The following ZNF366 variants were observed in gnomAD, a reference collection of about 807,000 sequenced individuals.
The protein encoded by ZNF366 is dendritic cell-specific transcript protein.
In ZNF366, 20 loss-of-function variants were observed where a neutral mutation model predicts 47.2. The ratio of observed to expected loss-of-function variants is 0.42; its 90% CI spans 0.30 to 0.62. The LOEUF is 0.62. Ranked by LOEUF, ZNF366 falls within the 20% of genes least tolerant of loss-of-function variation. The probability of loss-of-function intolerance (pLI) is 0.16; values close to 1 mark genes in which losing one functional copy is unlikely to be tolerated. For synonymous variants in ZNF366, 421 were observed against 395.1 expected (o/e 1.07, Z -0.78); for missense variants, 987 against 976.3 (o/e 1.01, Z -0.15).
chr5:72,479,952 A>G (rs1409320427), intron 1 of ZNF366, among the ~76,000 whole-genome samples: 6 of 152,232 alleles, frequency 3.9e-5, no homozygotes, highest in Admixed American at 6.5e-5. Context: ...ACAAAGGGTG[A>G]AAAAACAGAT....
In ZNF366 at chr5:72,460,217, C is replaced by T; in HGVS notation, c.1280G>A (p.Gly427Asp). The change falls in exon 2 of 5, where the codon GGC becomes GAC. Residue 427 changes from glycine to aspartate, a missense_variant. This residue lies in a region of ZNF366 where 111 missense variants were observed against 180.5 expected (regional missense o/e 0.61). Transcript: ENST00000318442. Reference sequence around the variant, plus strand: ...GTGGTGCGGCTGCACAAACTCCATGCCACACTCTGAGCAGATGTAGGGCCG... The same window carrying T: ...GTGGTGCGGCTGCACAAACTCCATGTCACACTCTGAGCAGATGTAGGGCCG... ...DIRPYICSEC[G>D]MEFVQPHHLK... is the part of the protein sequence containing the mutation. The T allele has an allele frequency of 6.2e-7, 1 of 1,614,246 alleles. No homozygotes were observed. Among genetic ancestry groups the T allele is most frequent in the Non-Finnish European group, 8.5e-7 (1 of 1,180,040 alleles).
In ZNF366 at chr5:72,461,402, A is replaced by G; in HGVS notation, c.95T>C (p.Val32Ala). Residue 32 changes from valine to alanine, a missense_variant, in exon 2 of 5, where the codon GTG (valine) becomes GCG (alanine). By Grantham distance (64) the Val-to-Ala change is moderately conservative. Coordinates refer to ENST00000318442, the MANE Select transcript of ZNF366 (RefSeq NM_152625.3). The part of the protein sequence containing the change: ...TPSFPHCLQP[V>A]ASRGKAPQRH... ...TTGGGGAGCCTTTCCCCGAGAAGCCACTGGCTGCAGGCAGTGGGGAAAGGA... is the reference window on the plus strand; with the variant it reads ...TTGGGGAGCCTTTCCCCGAGAAGCCGCTGGCTGCAGGCAGTGGGGAAAGGA... The G allele has an allele frequency of 3.1e-6, 5 of 1,613,672 alleles. No individual in the cohort carries two copies. The highest frequency in any genetic ancestry group is 4.2e-6 in the Non-Finnish European group (5 of 1,179,672).
chr5:72,460,087 C>T (rs1054354490), intron 2 of ZNF366, 78 bp downstream of exon 2: 3 of 1,530,790 alleles, frequency 2.0e-6, no homozygotes, highest in East Asian at 2.3e-5. Context: ...GCACAGGCGT[C>T]CTGCTCCCCA....
chr5:72,498,991 A>G (rs1422791618), intron 1 of ZNF366, among the ~76,000 whole-genome samples: 1 of 152,236 alleles, frequency 6.6e-6, no homozygotes, highest in African/African-American at 2.4e-5. Flanking sequence ...TCAAGGGGGA[A>G]AAGAGTCAAT....
At chr5:72,455,484 T>C (rs1053577539) in intron 3 of ZNF366, among the ~76,000 whole-genome samples, 1 of 152,222 alleles carries the variant, frequency 6.6e-6, no homozygotes, top group African/African-American at 2.4e-5. Context: ...TTCCCTCTTC[T>C]TCCCCCTCAG....
intron 1 of ZNF366, among the ~76,000 whole-genome samples, chr5:72,480,389 C>G (rs763234076): frequency 6.6e-6 from 1 of 151,996 alleles, no homozygotes; most frequent in Non-Finnish European, 1.5e-5. Flanking sequence ...ATTTTCTGTT[C>G]CTTGGAACTT....
At chr5:72,480,880 A>G (rs1431180582) in intron 1 of ZNF366, among the ~76,000 whole-genome samples, 8 of 152,176 alleles carry the variant, frequency 5.3e-5, no homozygotes, top group Non-Finnish European at 1.2e-4. Context: ...ATTCCACGTG[A>G]GTGAAGACTG....
At chr5:72,452,634 C>A (rs1297218754) in intron 3 of ZNF366, among the ~76,000 whole-genome samples, 2 of 152,252 alleles carry the variant, frequency 1.3e-5, no homozygotes, top group Non-Finnish European at 2.9e-5. Flanking sequence ...GAGATCTCAT[C>A]CCTATTCTGA....
At chr5:72,505,383 A>G (rs1047192932) in intron 1 of ZNF366, among the ~76,000 whole-genome samples, 6 of 152,214 alleles carry the variant, frequency 3.9e-5, no homozygotes, top group African/African-American at 1.4e-4. Context: ...AACAACTTAA[A>G]TGGAAATATT....
intron 1 of ZNF366, among the ~76,000 whole-genome samples, chr5:72,485,108 G>A (rs181897010): frequency 7.0e-6 from 1 of 142,740 alleles, no homozygotes; most frequent in Non-Finnish European, 1.6e-5. Context: ...CAAAAATTTA[G>A]TAAAAAAACA....
chr5:72,491,276 C>A (rs1187825844), intron 1 of ZNF366, among the ~76,000 whole-genome samples: 1 of 152,184 alleles, frequency 6.6e-6, no homozygotes, highest in Non-Finnish European at 1.5e-5. Flanking sequence ...ACTTTGGGAA[C>A]CTGGCACACA....
chr5:72,477,643 C>A (rs986004740), intron 1 of ZNF366, among the ~76,000 whole-genome samples: 5 of 152,186 alleles, frequency 3.3e-5, no homozygotes, highest in Admixed American at 1.3e-4. Flanking sequence ...ATGGTTTAAT[C>A]AGTACAATTA....
In ZNF366 at chr5:72,485,540, A is replaced by G. The variant is rs554911735; in HGVS notation, c.-15+21711T>C. On this transcript the variant is annotated intron_variant, in intron 1 of 4. Transcript: ENST00000318442. ...ACTTCTCACCACTTCCACTGCCTCT[A>G]TCCTGGTCAGGCCGCCAGAGGTTCC... 2.0e-5 allele frequency among the ~76,000 whole-genome samples: 3 copies of G among 152,282 alleles called. No individual in the cohort carries two copies. The South Asian group carries it at 6.2e-4, about 32-fold the overall frequency.
intron 3 of ZNF366, among the ~76,000 whole-genome samples, chr5:72,454,360 CCCTCTAGATCCTCAGATACTA>C (rs1743138269): frequency 6.6e-6 from 1 of 152,210 alleles, no homozygotes; most frequent in Non-Finnish European, 1.5e-5. Flanking sequence ...CTAGAGAGAA[CCCTCTAGATCCTCAGATACTA>C]CCTGGTCCAA....
chr5:72,449,111 A>C (rs990808116), intron 3 of ZNF366, among the ~76,000 whole-genome samples: 4 of 152,214 alleles, frequency 2.6e-5, no homozygotes, highest in African/African-American at 9.7e-5. Context: ...TGTAAGATAG[A>C]TGACTCTTTT....
At chr5:72,474,257 A>G (rs988460785) in intron 1 of ZNF366, among the ~76,000 whole-genome samples, 2 of 152,186 alleles carry the variant, frequency 1.3e-5, no homozygotes, top group Non-Finnish European at 2.9e-5. Context: ...ACAAAGGCCA[A>G]TTAAAAGGCT....
chr5:72,491,419 A>G (rs1398081828), intron 1 of ZNF366, among the ~76,000 whole-genome samples: 1 of 152,222 alleles, frequency 6.6e-6, no homozygotes, highest in Non-Finnish European at 1.5e-5. Context: ...AGTACTAAGT[A>G]TGTCCAAGTA....
chr5:72,450,199 C>T (rs1027690592), intron 3 of ZNF366, among the ~76,000 whole-genome samples: 3 of 152,182 alleles, frequency 2.0e-5, no homozygotes, highest in Non-Finnish European at 4.4e-5. Flanking sequence ...TCAGACACTT[C>T]AGTCAACCTT....
intron 1 of ZNF366, among the ~76,000 whole-genome samples, chr5:72,482,746 TTGTGTGTGTGTGTG>T (rs3041122): frequency 1.1e-4 from 16 of 141,080 alleles, no homozygotes; most frequent in South Asian, 7.4e-4. Context: ...CATTTCTATT[TTGTGTGTGTGTGTG>T]TGTGTGTGTG....
Sources: gnomAD v4.1 joint callset for allele counts (sites outside exome capture counted in the v4.1 genomes callset) on GRCh38, gnomAD v4.1.1 for gene constraint, gnomAD v4.1.1 regional missense constraint, MANE v1.5 for transcripts, NCBI Gene and HGNC (gene_info 2026-07-23, HGNC 2026-07-21) for gene names.